Variants in NAV2 observed in about 807,000 individuals in gnomAD.
The protein encoded by NAV2 is neuron navigator 2.
NAV2 carries 54 observed loss-of-function variants against 223.2 expected under a neutral mutation model. The observed-to-expected ratio is 0.24, with a 90% CI of 0.19 to 0.30. The LOEUF (loss-of-function observed/expected upper bound fraction) is 0.30. NAV2 is among the 10% of genes least tolerant of loss of function. NAV2 has a pLI of 1.00. For missense variants in NAV2, 2,806 were observed against 3,147.5 expected, an observed-to-expected ratio of 0.89 and a Z score of 2.60; for synonymous variants, 1,279 against 1,239.3, an observed-to-expected ratio of 1.03 and a Z score of -0.67.
chr11:19,938,473 T>C (rs78119197), intron 7 of NAV2, among the ~76,000 whole-genome samples: 3,335 of 152,320 alleles, frequency 0.022, 137 homozygotes, highest in African/African-American at 0.076. Context: ...AGACAGTCCT[T>C]TCCAAGCTTT....
At chr11:19,760,213 T>C (rs1164189193) in intron 1 of NAV2, 1 of 152,230 alleles carries the variant, frequency 6.6e-6, no homozygotes, top group Admixed American at 6.5e-5. Flanking sequence ...GCATTGCTCC[T>C]CTGAGAGGCA....
upstream of NAV2, among the ~76,000 whole-genome samples, chr11:19,347,860 G>A (rs1853088448): frequency 6.6e-6 from 1 of 152,188 alleles, no homozygotes; most frequent in South Asian, 2.1e-4. Flanking sequence ...GGAAACCAGA[G>A]CTTTTACATC....
chr11:19,655,177 CA>C (rs776897673), intron 1 of NAV2, among the ~76,000 whole-genome samples: 16 of 152,198 alleles, frequency 1.1e-4, no homozygotes, highest in Non-Finnish European at 1.9e-4. Context: ...ACATGCAAAT[CA>C]AAACCGCAAT....
intron 1 of NAV2, among the ~76,000 whole-genome samples, chr11:19,790,369 C>T (rs190463991): frequency 5.8e-4 from 89 of 152,340 alleles, no homozygotes; most frequent in African/African-American, 2.0e-3. Flanking sequence ...AAGGTCACAG[C>T]CCAAAGTCTC....
At chr11:20,098,478 A>G (rs990918874) in intron 31 of NAV2, among the ~76,000 whole-genome samples, 1 of 152,212 alleles carries the variant, frequency 6.6e-6, no homozygotes, top group Non-Finnish European at 1.5e-5. Context: ...CCACTTGAAT[A>G]TAGACTTTCA....
At chr11:20,022,597 A>G (rs2054601767) in intron 11 of NAV2, 2 of 985,942 alleles carry the variant, frequency 2.0e-6, no homozygotes, top group African/African-American at 1.7e-5. Flanking sequence ...CGTCAATGGA[A>G]TGAGCTAAGA....
chr11:20,091,480 C>T (rs1259170482), intron 27 of NAV2, among the ~76,000 whole-genome samples: 2 of 152,164 alleles, frequency 1.3e-5, no homozygotes, highest in East Asian at 1.9e-4. Flanking sequence ...CCTTAATGCT[C>T]GGCCTGATTC....
intron 1 of NAV2, among the ~76,000 whole-genome samples, chr11:19,374,420 G>A (rs182172610): frequency 1.3e-5 from 2 of 150,712 alleles, no homozygotes; most frequent in East Asian, 3.9e-4. Context: ...TGCAGGGTGA[G>A]CTATCAGTGA....
chr11:19,978,650 G>GTTTTTTTTTT (rs141841202), intron 10 of NAV2: 1 of 110,810 alleles, frequency 9.0e-6, no homozygotes, highest in Non-Finnish European at 2.0e-5. Context: ...CATCTGAGAG[G>GTTTTTTTTTT]TTTTTTTTTT....
At chr11:19,805,094 G>C (rs1295505088) in intron 1 of NAV2, among the ~76,000 whole-genome samples, 1 of 152,122 alleles carries the variant, frequency 6.6e-6, no homozygotes, top group South Asian at 2.1e-4. Context: ...TCGTGGCAGG[G>C]GTGGCCAAAG....
chr11:19,807,402 G>A (rs548894565), intron 1 of NAV2, among the ~76,000 whole-genome samples: 1 of 152,348 alleles, frequency 6.6e-6, no homozygotes, highest in South Asian at 2.1e-4. Flanking sequence ...TCTTGAGCTG[G>A]TTTCCTGTTC....
At chr11:19,793,156 C>T (rs1019832619) in intron 1 of NAV2, among the ~76,000 whole-genome samples, 5 of 142,814 alleles carry the variant, frequency 3.5e-5, no homozygotes, top group Non-Finnish European at 7.5e-5. Flanking sequence ...TGCAGTGAGC[C>T]GAGATCATGT....
intron 8 of NAV2, among the ~76,000 whole-genome samples, chr11:19,941,261 T>C (rs2046378920): frequency 6.6e-6 from 1 of 152,064 alleles, no homozygotes; most frequent in Non-Finnish European, 1.5e-5. Flanking sequence ...AACCCTGAAA[T>C]GCTGTCAATC....
At chr11:19,591,594 C>T (rs1370663638) in intron 1 of NAV2, among the ~76,000 whole-genome samples, 1 of 152,108 alleles carries the variant, frequency 6.6e-6, no homozygotes, top group Non-Finnish European at 1.5e-5. Flanking sequence ...AGATCCTGAC[C>T]ATGCGGATGT....
intron 1 of NAV2, among the ~76,000 whole-genome samples, chr11:19,662,394 G>A (rs2048308502): frequency 1.3e-5 from 2 of 152,204 alleles, no homozygotes; most frequent in African/African-American, 4.8e-5. Context: ...CCCATCAGTG[G>A]GGTGAGGCAG....
At chr11:19,991,119 T>C (rs1172298793) in intron 11 of NAV2, among the ~76,000 whole-genome samples, 1 of 152,126 alleles carries the variant, frequency 6.6e-6, no homozygotes, top group Non-Finnish European at 1.5e-5. Context: ...CTAAGACAAA[T>C]ATTTTATTTT....
chr11:19,724,817 C>T (rs188490791), intron 1 of NAV2, among the ~76,000 whole-genome samples: 1 of 152,310 alleles, frequency 6.6e-6, no homozygotes, highest in Admixed American at 6.5e-5. Flanking sequence ...CCTCTTAGAC[C>T]CTTGCTAGCT....
At chr11:19,941,226 C>T (rs772281797) in intron 8 of NAV2, among the ~76,000 whole-genome samples, 10 of 152,202 alleles carry the variant, frequency 6.6e-5, no homozygotes, top group Middle Eastern at 3.4e-3. Flanking sequence ...CATGTCTCCC[C>T]TGTACCAGGC....
intron 1 of NAV2, among the ~76,000 whole-genome samples, chr11:19,531,422 T>C (rs1192363976): frequency 6.6e-6 from 1 of 152,188 alleles, no homozygotes; most frequent in Non-Finnish European, 1.5e-5. Flanking sequence ...GCAATGGAGA[T>C]AATCTAGGTA....
Sources: allele counts gnomAD v4.1 joint callset (sites outside exome capture counted in the v4.1 genomes callset), GRCh38; gene constraint gnomAD v4.1.1; transcripts MANE v1.5; gene names NCBI Gene and HGNC (gene_info 2026-07-23, HGNC 2026-07-21).